TOR1B: variants seen among roughly 807,000 people sequenced by gnomAD.
TOR1B encodes the protein torsin-1B.
A neutral mutation model predicts 29.2 loss-of-function variants in TOR1B; 14 were observed. The ratio of observed to expected loss-of-function variants is 0.48; its 90% CI spans 0.32 to 0.75. TOR1B has a LOEUF of 0.75. TOR1B is among the 30% of genes least tolerant of loss of function. The probability of loss-of-function intolerance (pLI) is 0.04; values close to 1 mark genes in which losing one functional copy is unlikely to be tolerated. For missense variants in TOR1B, 400 were observed against 433.9 expected (o/e 0.92, Z 0.69); for synonymous variants, 166 against 179.8 (o/e 0.92, Z 0.62).
In TOR1B at chr9:129,809,031, C is replaced by A. The variant is rs1359124322; in HGVS notation, c.768C>A (p.His256Gln). Residue 256 changes from histidine to glutamine, a missense_variant and splice_region_variant, in exon 4 of 5, where the codon CAC becomes CAA. By Grantham distance (24) the His-to-Gln change is conservative. Transcript: ENST00000259339. ...CTGTCGGAGTCTTCAATAATAAACA[C>A]AGTGAGTCCACCAGGGTAAAGGAGC... Reference protein sequence around the residue: ...VLSVGVFNNKHSGLWHSGLID... With the variant: ...VLSVGVFNNKQSGLWHSGLID... The A allele has an allele frequency of 6.2e-7, 1 of 1,608,288 alleles. No individual in the cohort carries two copies. Among genetic ancestry groups the A allele is most frequent in the Non-Finnish European group, 8.5e-7 (1 of 1,178,198 alleles).
At position 129,810,166 on chromosome 9, in the gene TOR1B, C is replaced by T. The variant is rs569068525; in HGVS notation, c.*583C>T. The stretch of plus-strand genomic sequence containing the variant: ...CTGGGTGGTTCTCACCAGCAGGCTG[C>T]GGGGCACTGTGTTCTCATTGGCCAA... On this transcript the variant is annotated 3_prime_UTR_variant, in exon 5 of 5. Transcript: ENST00000259339. 70 of 1,303,952 alleles carry T rather than the reference C, an allele frequency of 5.4e-5. No homozygotes were observed. The South Asian group carries it at 6.9e-4, about 13-fold the overall frequency. 80.8% of individuals were successfully genotyped at this position (1,303,952 alleles called of 1,614,324 possible). A position where few individuals can be genotyped will look rare whatever the true frequency, so the allele number is the denominator to read the frequency against.
rs753629050 is a variant in TOR1B, at chr9:129,809,339, C to T, written c.770-3C>T. On this transcript the variant is annotated splice_polypyrimidine_tract_variant and splice_region_variant and intron_variant, in intron 4 of 4. Coordinates refer to ENST00000259339, the MANE Select transcript of TOR1B (RefSeq NM_014506.3). ...GGAAACCCAGCTGTGTCTTGTTCTG[C>T]AGGTGGCCTGTGGCACAGTGGACTG... is the stretch of plus-strand genomic sequence containing the variant. 3.7e-6 allele frequency: 6 copies of T among 1,613,900 alleles called. No individual in the cohort carries two copies. The highest frequency in any genetic ancestry group is 1.7e-5 in the Admixed American group (1 of 59,992).
intron 4 of TOR1B, 62 bp downstream of exon 4, chr9:129,809,094 T>C (rs912477056): frequency 2.6e-6 from 4 of 1,548,806 alleles, no homozygotes; most frequent in East Asian, 2.3e-5. Context: ...TGCTCTTTCA[T>C]TGAGTGTTTC....
chr9:129,806,244 AAAGGAAGG>A (rs1197522489), intron 2 of TOR1B, among the ~76,000 whole-genome samples: 1 of 152,216 alleles, frequency 6.6e-6, no homozygotes. Context: ...AGACTGCTAA[AAAGGAAGG>A]AAGGAAGGAT....
In TOR1B at chr9:129,809,584, G is replaced by A. The variant is rs550970341; in HGVS notation, c.*1G>A. The A allele has an allele frequency of 1.2e-6, 2 of 1,614,226 alleles. No individual in the cohort carries two copies. Among genetic ancestry groups the A allele is most frequent in the African/African-American group, 1.3e-5 (1 of 75,068 alleles). Reference sequence around the variant, plus strand: ...GCAGTCGCGGCTGGATTTCCACTGAGCTCCTATCCAGATGGGGTAGGAGAC... The same window carrying A: ...GCAGTCGCGGCTGGATTTCCACTGAACTCCTATCCAGATGGGGTAGGAGAC... On this transcript the variant is annotated 3_prime_UTR_variant, in exon 5 of 5. Transcript: ENST00000259339.
chr9:129,809,759 G>T lies in TOR1B; in HGVS notation c.*176G>T. 7.0e-7 allele frequency: 1 copy of T among 1,424,798 alleles called. No individual in the cohort carries two copies. The highest frequency in any genetic ancestry group is 9.1e-7 in the Non-Finnish European group (1 of 1,093,546). The allele number at this position is 1,424,798 out of a possible 1,614,324, so 88.3% of individuals were successfully genotyped here. On this transcript the variant is annotated 3_prime_UTR_variant, in exon 5 of 5. Transcript: ENST00000259339. The stretch of plus-strand genomic sequence containing the variant: ...ACTCCGTCATCCAAGCTGGAGTGCA[G>T]TGGTGCAATCCTCAACTCACTGCAA...
Position 129,803,508 on chromosome 9 carries a change from G to A in TOR1B, c.199+97G>A, listed in dbSNP as rs540159997. ...CTCGTGGGCGCCTGGCACGGACCGG[G>A]CCCGTGGCATCTAGACGGCGGTGGT... On this transcript the variant is annotated intron_variant, in intron 1 of 4. Coordinates refer to ENST00000259339, the MANE Select transcript of TOR1B (RefSeq NM_014506.3). 1.5e-4 allele frequency: 178 copies of A among 1,220,290 alleles called. No homozygotes were observed. In the South Asian group the frequency reaches 4.7e-3, roughly 32 times the overall value. 75.6% of individuals were successfully genotyped at this position (1,220,290 alleles called of 1,614,324 possible).
At chr9:129,808,465 C>T (rs2030629127) in intron 3 of TOR1B, among the ~76,000 whole-genome samples, 1 of 151,498 alleles carries the variant, frequency 6.6e-6, no homozygotes, top group Admixed American at 6.6e-5. Flanking sequence ...CGCCACTGCA[C>T]TCCAGCCTGC....
chr9:129,803,195 C>G lies in TOR1B; in HGVS notation c.-18C>G. 1 of 1,443,698 alleles carries G rather than the reference C, an allele frequency of 6.9e-7. No homozygotes were observed. The highest frequency in any genetic ancestry group is 9.1e-7 in the Non-Finnish European group (1 of 1,103,568). 89.4% of individuals were successfully genotyped at this position (1,443,698 alleles called of 1,614,324 possible). ...GGGGCGCCTGGCTCAGTGGCTTCTG[C>G]GGGCTTCGAGGAGCGGGATGTTGCG... On this transcript the variant is annotated 5_prime_UTR_variant, in exon 1 of 5. Transcript: ENST00000259339.
At chr9:129,803,864 A>G (rs1456411202) in intron 1 of TOR1B, among the ~76,000 whole-genome samples, 1 of 152,210 alleles carries the variant, frequency 6.6e-6, no homozygotes, top group Non-Finnish European at 1.5e-5. Context: ...ATGAACATTT[A>G]GCTTCCTTAT....
intron 3 of TOR1B, among the ~76,000 whole-genome samples, chr9:129,808,512 G>A (rs2130992603): frequency 6.9e-6 from 1 of 145,752 alleles, no homozygotes; most frequent in South Asian, 2.3e-4. Context: ...TAGACTTAGA[G>A]CAGATTCATT....
At chr9:129,808,381 C>T (rs1222126550) in intron 3 of TOR1B, among the ~76,000 whole-genome samples, 4 of 151,430 alleles carry the variant, frequency 2.6e-5, no homozygotes, top group African/African-American at 9.7e-5. Context: ...CGCCTGTAAT[C>T]CCAGCTACTC....
chr9:129,807,381 T>C lies in TOR1B; in HGVS notation c.641+18T>C, dbSNP rs1411574104. ...TTTCTCAGGTCAGCGGGAGGCGGTT[T>C]TTTGGGGCACACAAGCCCTTCATTC... On this transcript the variant is annotated intron_variant, in intron 3 of 4. Transcript: ENST00000259339. 5.0e-6 allele frequency: 8 copies of C among 1,611,696 alleles called. No individual in the cohort carries two copies. The highest frequency in any genetic ancestry group is 6.8e-6 in the Non-Finnish European group (8 of 1,178,522).
In TOR1B at chr9:129,803,198, G is replaced by C; in HGVS notation, c.-15G>C. 2 of 1,450,408 alleles carry C rather than the reference G, an allele frequency of 1.4e-6. No homozygotes were observed. The highest frequency in any genetic ancestry group is 2.9e-5 in the African/African-American group (2 of 68,220). The allele number at this position is 1,450,408 out of a possible 1,614,324, so 89.8% of individuals were successfully genotyped here. On this transcript the variant is annotated 5_prime_UTR_variant, in exon 1 of 5. Transcript: ENST00000259339. ...GCGCCTGGCTCAGTGGCTTCTGCGG[G>C]CTTCGAGGAGCGGGATGTTGCGGGC...
At chr9:129,805,961 AAAT>A (rs1464754990) in intron 2 of TOR1B, among the ~76,000 whole-genome samples, 1 of 152,076 alleles carries the variant, frequency 6.6e-6, no homozygotes, top group East Asian at 1.9e-4. Flanking sequence ...TCTCTACAAA[AAAT>A]AAAAAAATTA....
In TOR1B at chr9:129,810,146, T is replaced by G. The variant is rs1471661862; in HGVS notation, c.*563T>G. ...TTGCTGCAGGCTGGGGGGCACTGGG[T>G]GGTTCTCACCAGCAGGCTGCGGGGC... On this transcript the variant is annotated 3_prime_UTR_variant, in exon 5 of 5. Coordinates refer to ENST00000259339, the MANE Select transcript of TOR1B (RefSeq NM_014506.3). 5.8e-5 allele frequency: 76 copies of G among 1,303,056 alleles called. No individual in the cohort carries two copies. Among genetic ancestry groups the G allele is most frequent in the Non-Finnish European group, 7.4e-5 (73 of 988,214 alleles). The allele number at this position is 1,303,056 out of a possible 1,614,324, so 80.7% of individuals were successfully genotyped here.
At chr9:129,806,245 A>C (rs932642969) in intron 2 of TOR1B, among the ~76,000 whole-genome samples, 5 of 152,196 alleles carry the variant, frequency 3.3e-5, no homozygotes, top group African/African-American at 1.2e-4. Context: ...GACTGCTAAA[A>C]AGGAAGGAAG....
At chr9:129,803,460 G>A (rs879398593) in intron 1 of TOR1B, 49 bp downstream of exon 1, 105 of 1,289,474 alleles carry the variant, frequency 8.1e-5, no homozygotes, top group Non-Finnish European at 1.0e-4. Context: ...GGGCGCGGGG[G>A]CGCGGGGGCG....
chr9:129,809,151 G>A, intron 4 of TOR1B, 119 bp downstream of exon 4: 1 of 1,519,574 alleles, frequency 6.6e-7, no homozygotes, highest in South Asian at 1.3e-5. Context: ...GCTAAAGTCA[G>A]GAATTTTCTT....
Sources: gnomAD v4.1 joint callset for allele counts (sites outside exome capture counted in the v4.1 genomes callset) on GRCh38, gnomAD v4.1.1 for gene constraint, MANE v1.5 for transcripts, NCBI Gene and HGNC (gene_info 2026-07-23, HGNC 2026-07-21) for gene names.